The following GNAQ variants were observed in gnomAD, a reference collection of about 807,000 sequenced individuals.
GNAQ encodes G protein subunit alpha q.
In GNAQ, 8 loss-of-function variants were observed where a neutral mutation model predicts 43.9. The ratio of observed to expected loss-of-function variants is 0.18; its 90% confidence interval spans 0.11 to 0.33. The LOEUF (loss-of-function observed/expected upper bound fraction) is 0.33. GNAQ is among the 10% of genes least tolerant of loss of function. The pLI is 1.00. For missense variants in GNAQ, 158 were observed against 450.8 expected (o/e 0.35, Z 5.88); for synonymous variants, 155 against 170.7 (o/e 0.91, Z 0.71).
intron 1 of GNAQ, among the ~76,000 whole-genome samples, chr9:77,950,038 G>A (rs761116451): frequency 2.0e-5 from 3 of 152,076 alleles, no homozygotes; most frequent in Middle Eastern, 3.2e-3. Context: ...ATTTCTCACA[G>A]ATGAACCTTC....
At chr9:77,974,766 T>C (rs1258311365) in intron 1 of GNAQ, among the ~76,000 whole-genome samples, 2 of 152,232 alleles carry the variant, frequency 1.3e-5, no homozygotes, top group Non-Finnish European at 2.9e-5. Flanking sequence ...TCAACCTAAC[T>C]ACCCCACGTT....
intron 2 of GNAQ, among the ~76,000 whole-genome samples, chr9:77,906,885 A>G (rs1310839740): frequency 6.6e-6 from 1 of 152,220 alleles, no homozygotes; most frequent in Non-Finnish European, 1.5e-5. Context: ...CTACATTTGT[A>G]TGTGCAAAGT....
At chr9:77,725,359 G>T (rs1825381501) in intron 6 of GNAQ, among the ~76,000 whole-genome samples, 2 of 152,074 alleles carry the variant, frequency 1.3e-5, no homozygotes, top group African/African-American at 4.8e-5. Context: ...GTATAGAAAT[G>T]TGGAAGTGTG....
rs1458320079 is a variant in GNAQ at position 77,718,248 on chromosome 9, A to G, written c.*3075T>C. ...TAGGAGGCCAGTGGCACACGCTTAT[A>G]ACGCTTGCAATCACAATATAATATA... On this transcript the variant is annotated 3_prime_UTR_variant, in exon 7 of 7. Transcript: ENST00000286548. 2 of 232,694 alleles carry G rather than the reference A, an allele frequency of 8.6e-6. No individual in the cohort carries two copies. The highest frequency in any genetic ancestry group is 1.7e-5 in the Non-Finnish European group (2 of 117,732). 14.4% of individuals were successfully genotyped at this position (232,694 alleles called of 1,614,324 possible).
At chr9:77,937,907 A>C (rs1829255923) in intron 1 of GNAQ, among the ~76,000 whole-genome samples, 1 of 152,148 alleles carries the variant, frequency 6.6e-6, no homozygotes, top group African/African-American at 2.4e-5. Context: ...TAAATAAATA[A>C]ATAAAATTTA....
chr9:78,017,925 C>T (rs1291180823), intron 1 of GNAQ, among the ~76,000 whole-genome samples: 1 of 151,984 alleles, frequency 6.6e-6, no homozygotes, highest in Non-Finnish European at 1.5e-5. Context: ...ACCATTTTTG[C>T]CTCCTAACTT....
chr9:77,885,988 T>C (rs184823041), intron 2 of GNAQ, among the ~76,000 whole-genome samples: 50 of 64,500 alleles, frequency 7.8e-4, no homozygotes, highest in African/African-American at 3.5e-3. Flanking sequence ...GCAGGACCTT[T>C]TTTTTGAGAC....
At chr9:77,744,304 G>A (rs1323438182) in intron 5 of GNAQ, among the ~76,000 whole-genome samples, 1 of 152,160 alleles carries the variant, frequency 6.6e-6, no homozygotes, top group African/African-American at 2.4e-5. Flanking sequence ...GAATGGATCC[G>A]ACTTCTCCAT....
intron 1 of GNAQ, among the ~76,000 whole-genome samples, chr9:77,962,947 C>CTATG (rs1335882410): frequency 1.5e-5 from 2 of 135,230 alleles, no homozygotes; most frequent in African/African-American, 5.5e-5. Flanking sequence ...TATGAAAAAA[C>CTATG]TATGCATGGA....
intron 3 of GNAQ, among the ~76,000 whole-genome samples, chr9:77,813,006 G>A (rs927067192): frequency 1.1e-4 from 16 of 151,702 alleles, no homozygotes; most frequent in Non-Finnish European, 1.8e-4. Context: ...TCTGCCTCCC[G>A]GGTTCAACCA....
At chr9:77,755,525 G>T (rs989622868) in intron 5 of GNAQ, among the ~76,000 whole-genome samples, 1 of 152,078 alleles carries the variant, frequency 6.6e-6, no homozygotes, top group Admixed American at 6.6e-5. Flanking sequence ...AAACTTCAAG[G>T]ACATATGTCA....
At chr9:77,943,336 G>GTT (rs1829340739) in intron 1 of GNAQ, among the ~76,000 whole-genome samples, 1 of 152,174 alleles carries the variant, frequency 6.6e-6, no homozygotes, top group African/African-American at 2.4e-5. Flanking sequence ...ACTGACACAT[G>GTT]TTCGACGTGT....
At chr9:77,991,217 T>C (rs1320753612) in intron 1 of GNAQ, among the ~76,000 whole-genome samples, 1 of 152,240 alleles carries the variant, frequency 6.6e-6, no homozygotes, top group East Asian at 1.9e-4. Flanking sequence ...AAAAGGAATT[T>C]AGATGTACAG....
intron 5 of GNAQ, among the ~76,000 whole-genome samples, chr9:77,742,255 T>C (rs1468174700): frequency 6.6e-6 from 1 of 152,210 alleles, no homozygotes; most frequent in African/African-American, 2.4e-5. Flanking sequence ...AAAAATGGGC[T>C]TTTTCTCTGT....
intron 2 of GNAQ, among the ~76,000 whole-genome samples, chr9:77,901,606 T>C (rs1033386038): frequency 6.6e-6 from 1 of 152,162 alleles, no homozygotes; most frequent in African/African-American, 2.4e-5. Flanking sequence ...CCTCACAAAA[T>C]GGCACATACC....
rs1587410098 is a variant in GNAQ at position 77,920,116 on chromosome 9, T to G, written c.321+2045A>C. Among the ~76,000 whole-genome samples, 3 of 151,852 alleles carry G rather than the reference T, an allele frequency of 2.0e-5. No homozygotes were observed. The East Asian group carries it at 5.8e-4, about 29-fold the overall frequency. On this transcript the variant is annotated intron_variant, in intron 2 of 6. Coordinates refer to ENST00000286548, the MANE Select transcript of GNAQ (RefSeq NM_002072.5). ...ATCGCGCCACTGCACTCCAGCCTGATGACAGAGCAAGACTCTGTCTCAAAA... is the reference window on the plus strand; with the variant it reads ...ATCGCGCCACTGCACTCCAGCCTGAGGACAGAGCAAGACTCTGTCTCAAAA...
chr9:77,949,663 T>C (rs1269468500), intron 1 of GNAQ, among the ~76,000 whole-genome samples: 3 of 152,154 alleles, frequency 2.0e-5, no homozygotes, highest in Non-Finnish European at 4.4e-5. Context: ...AAAGACCTAT[T>C]GCTCTGTCTG....
At chr9:77,794,962 C>G (rs1440234612) in intron 4 of GNAQ, among the ~76,000 whole-genome samples, 1 of 152,146 alleles carries the variant, frequency 6.6e-6, no homozygotes, top group Non-Finnish European at 1.5e-5. Flanking sequence ...ACTTCAGTTT[C>G]TTTTCCTATA....
chr9:77,821,499 T>C (rs1827111966), intron 2 of GNAQ, among the ~76,000 whole-genome samples: 1 of 152,192 alleles, frequency 6.6e-6, no homozygotes, highest in Non-Finnish European at 1.5e-5. Flanking sequence ...GTCTGTAATG[T>C]CATAATTATC....
Sources: gnomAD v4.1 joint callset for allele counts (sites outside exome capture counted in the v4.1 genomes callset) on GRCh38, gnomAD v4.1.1 for gene constraint, MANE v1.5 for transcripts, NCBI Gene and HGNC (gene_info 2026-07-23, HGNC 2026-07-21) for gene names.